Variants in MAP4 observed in about 807,000 individuals in gnomAD.
The protein encoded by MAP4 is microtubule associated protein 4.
A neutral mutation model predicts 170.2 loss-of-function variants in MAP4; 76 were observed. The ratio of observed to expected loss-of-function variants is 0.45; its 90% CI spans 0.37 to 0.54. MAP4 has a LOEUF of 0.54. Ranked by LOEUF, MAP4 falls within the 20% of genes least tolerant of loss-of-function variation. The pLI is 0.00. For missense variants in MAP4, 2,506 were observed against 2,748.0 expected, an observed-to-expected ratio of 0.91 and a Z score of 1.97; for synonymous variants, 909 against 994.5, an observed-to-expected ratio of 0.91 and a Z score of 1.62.
intron 5 of MAP4, among the ~76,000 whole-genome samples, chr3:47,920,542 T>C (rs576475545): frequency 1.4e-3 from 173 of 126,530 alleles, no homozygotes; most frequent in African/African-American, 4.8e-3. Flanking sequence ...TGCACCCAGA[T>C]GGTTTTTTTT....
intron 1 of MAP4, among the ~76,000 whole-genome samples, chr3:48,029,997 A>AT (rs1559821128): frequency 8.1e-5 from 12 of 147,852 alleles, no homozygotes; most frequent in South Asian, 2.1e-4. Context: ...TCAAAAAAAA[A>AT]AATATATATA....
chr3:47,959,824 C>A (rs890441936), intron 3 of MAP4, among the ~76,000 whole-genome samples: 6 of 151,000 alleles, frequency 4.0e-5, no homozygotes, highest in African/African-American at 1.5e-4. Context: ...AAATGTAGCG[C>A]TGTAAGATAA....
At chr3:47,997,016 A>G (rs2100096110) in intron 2 of MAP4, among the ~76,000 whole-genome samples, 1 of 152,148 alleles carries the variant, frequency 6.6e-6, no homozygotes. Flanking sequence ...CAACACAACT[A>G]TGAAAAGATC....
intron 1 of MAP4, among the ~76,000 whole-genome samples, chr3:48,074,728 T>G (rs560343485): frequency 0.014 from 473 of 35,006 alleles, no homozygotes; most frequent in African/African-American, 0.046. Context: ...GTGTGTGTGA[T>G]ATGTCGGCCA....
chr3:47,853,288 A>G lies in MAP4; in HGVS notation c.6761T>C (p.Ile2254Thr). 1 of 1,610,610 alleles carries G rather than the reference A, an allele frequency of 6.2e-7. No individual in the cohort carries two copies. The highest frequency in any genetic ancestry group is 8.5e-7 in the Non-Finnish European group (1 of 1,179,012). The part of the protein sequence containing the change: ...PGPPAGEEPA[I>T]SEAAPEAGAP... ...GCCAGCTTCAGGCGCTGCCTCAGAG[A>G]TGGCCGGCTCCTCCCCAGCAGGGGG... The change falls in exon 20 of 21, where the codon ATC becomes ACC. Residue 2254 changes from isoleucine to threonine, a missense_variant. Ile to Thr is a moderately conservative substitution (Grantham distance 89). Coordinates refer to ENST00000683076, the MANE Select transcript of MAP4 (RefSeq NM_001385682.1).
intron 1 of MAP4, among the ~76,000 whole-genome samples, chr3:48,035,934 C>T (rs185448310): frequency 1.3e-5 from 2 of 152,024 alleles, no homozygotes; most frequent in Non-Finnish European, 2.9e-5. Flanking sequence ...AGCGAGACTC[C>T]ATCCCCCCCT....
intron 3 of MAP4, among the ~76,000 whole-genome samples, chr3:47,976,115 T>A (rs781718878): frequency 3.9e-5 from 6 of 152,108 alleles, no homozygotes; most frequent in Non-Finnish European, 5.9e-5. Context: ...TACAGTTAAG[T>A]GGTTCAATTC....
intron 2 of MAP4, among the ~76,000 whole-genome samples, chr3:47,984,373 G>T (rs2100087304): frequency 6.6e-6 from 1 of 152,110 alleles, no homozygotes; most frequent in Admixed American, 6.5e-5. Context: ...ATAAGATGCA[G>T]CAGAACACAT....
At chr3:47,870,724 C>T in intron 15 of MAP4, 89 bp downstream of exon 15, 1 of 1,370,144 alleles carries the variant, frequency 7.3e-7, no homozygotes, top group African/African-American at 1.5e-5. Flanking sequence ...TGACTGCCTG[C>T]TTCTTTGGTG....
chr3:48,084,152 G>A (rs1250678338), intron 1 of MAP4, among the ~76,000 whole-genome samples: 6 of 151,130 alleles, frequency 4.0e-5, no homozygotes, highest in African/African-American at 7.3e-5. Flanking sequence ...GGAGGTTGTG[G>A]TGAGCTGAGA....
chr3:48,007,697 G>A (rs190407834), intron 1 of MAP4, among the ~76,000 whole-genome samples: 4 of 144,796 alleles, frequency 2.8e-5, no homozygotes, highest in South Asian at 2.2e-4. Context: ...TTTTTGAGAC[G>A]CAGTGTCACT....
intron 9 of MAP4, among the ~76,000 whole-genome samples, chr3:47,908,262 T>C (rs2100034195): frequency 6.6e-6 from 1 of 152,182 alleles, no homozygotes; most frequent in Non-Finnish European, 1.5e-5. Context: ...AAAGGAATCA[T>C]CTTCTTAATC....
At chr3:48,073,301 A>G (rs1241663334) in intron 1 of MAP4, among the ~76,000 whole-genome samples, 1 of 124,620 alleles carries the variant, frequency 8.0e-6, no homozygotes, top group East Asian at 2.5e-4. Flanking sequence ...ACACACACAC[A>G]CACAAATTAG....
At chr3:47,912,947 C>T (rs2100036699) in intron 8 of MAP4, among the ~76,000 whole-genome samples, 1 of 152,070 alleles carries the variant, frequency 6.6e-6, no homozygotes, top group African/African-American at 2.4e-5. Context: ...GATCAGAAGG[C>T]CAGACTTAAG....
intron 1 of MAP4, among the ~76,000 whole-genome samples, chr3:48,062,915 AACTCTGTCTC>A (rs1366819172): frequency 6.6e-6 from 1 of 150,888 alleles, no homozygotes; most frequent in Non-Finnish European, 1.5e-5. Flanking sequence ...ACAAGAGTGA[AACTCTGTCTC>A]AAAAAAAAAA....
At chr3:48,051,565 T>TA (rs2100127890) in intron 1 of MAP4, among the ~76,000 whole-genome samples, 1 of 152,174 alleles carries the variant, frequency 6.6e-6, no homozygotes, top group Non-Finnish European at 1.5e-5. Flanking sequence ...GTTATTGATT[T>TA]TGGCAAGATA....
chr3:47,879,510 T>C (rs2096268384), intron 10 of MAP4, among the ~76,000 whole-genome samples: 1 of 152,082 alleles, frequency 6.6e-6, no homozygotes, highest in Admixed American at 6.5e-5. Flanking sequence ...TTACCCAGTC[T>C]CCCCAAGTGT....
At chr3:48,064,940 A>G (rs1257960058) in intron 1 of MAP4, among the ~76,000 whole-genome samples, 1 of 152,116 alleles carries the variant, frequency 6.6e-6, no homozygotes, top group Non-Finnish European at 1.5e-5. Flanking sequence ...TTTCAGCTCC[A>G]CTATATAGAA....
At chr3:48,051,092 C>CCACACACACACACACACA (rs145028487) in intron 1 of MAP4, among the ~76,000 whole-genome samples, 34 of 143,914 alleles carry the variant, frequency 2.4e-4, no homozygotes, top group African/African-American at 8.5e-4. Flanking sequence ...CATTCAATTT[C>CCACACACACACACACACA]CACACACACA....
Sources: gnomAD v4.1 joint callset for allele counts (sites outside exome capture counted in the v4.1 genomes callset) on GRCh38, gnomAD v4.1.1 for gene constraint, MANE v1.5 for transcripts, NCBI Gene and HGNC (gene_info 2026-07-23, HGNC 2026-07-21) for gene names.